Variants in PDZRN4 observed in about 807,000 individuals in gnomAD.
PDZRN4 encodes PDZ domain containing ring finger 4, also known as PDZ domain-containing RING finger protein 4.
In PDZRN4, 70 loss-of-function variants were observed where a neutral mutation model predicts 99.0. That is an observed-to-expected ratio of 0.71 (90% CI 0.58 to 0.86). The LOEUF (loss-of-function observed/expected upper bound fraction) is 0.86. Ranked by LOEUF, PDZRN4 falls within the 40% of genes least tolerant of loss-of-function variation. The pLI, the probability that PDZRN4 is intolerant of heterozygous loss-of-function variation, is 0.00. For missense variants in PDZRN4, 1,474 were observed against 1,331.2 expected (o/e 1.11, Z -1.67); for synonymous variants, 551 against 501.6 (o/e 1.10, Z -1.32).
intron 3 of PDZRN4, among the ~76,000 whole-genome samples, chr12:41,306,109 T>C (rs1951567655): frequency 6.6e-6 from 1 of 152,186 alleles, no homozygotes; most frequent in African/African-American, 2.4e-5. Flanking sequence ...CATGAGATCC[T>C]AAGGATTGAG....
intron 3 of PDZRN4, among the ~76,000 whole-genome samples, chr12:41,480,842 C>A (rs181593379): frequency 7.4e-4 from 112 of 152,032 alleles, no homozygotes; most frequent in African/African-American, 2.6e-3. Context: ...AGAATAAATA[C>A]GATTTCAGCA....
chr12:41,496,978 C>T (rs1317477741), intron 3 of PDZRN4, among the ~76,000 whole-genome samples: 1 of 152,096 alleles, frequency 6.6e-6, no homozygotes, highest in Non-Finnish European at 1.5e-5. Flanking sequence ...TTACCATCTT[C>T]TTTCCCGTTA....
intron 3 of PDZRN4, among the ~76,000 whole-genome samples, chr12:41,422,877 T>C (rs952158276): frequency 2.0e-5 from 3 of 152,152 alleles, no homozygotes; most frequent in African/African-American, 7.2e-5. Flanking sequence ...GCACACACAA[T>C]GGAAATTTCT....
intron 3 of PDZRN4, among the ~76,000 whole-genome samples, chr12:41,403,450 G>A (rs546521923): frequency 6.6e-6 from 1 of 152,202 alleles, no homozygotes; most frequent in African/African-American, 2.4e-5. Flanking sequence ...TGAGAGATGG[G>A]GAAGGAAATA....
At chr12:41,539,172 G>C (rs903784187) in intron 5 of PDZRN4, among the ~76,000 whole-genome samples, 2 of 151,766 alleles carry the variant, frequency 1.3e-5, no homozygotes, top group African/African-American at 4.8e-5. Flanking sequence ...CTCCAGAATG[G>C]ACATATCTCC....
chr12:41,249,140 G>C (rs1051056225), intron 3 of PDZRN4, among the ~76,000 whole-genome samples: 1 of 152,092 alleles, frequency 6.6e-6, no homozygotes. Flanking sequence ...TACACACACA[G>C]AGATAGAGAA....
chr12:41,270,161 A>G (rs564968385), intron 3 of PDZRN4, among the ~76,000 whole-genome samples: 1 of 145,704 alleles, frequency 6.9e-6, no homozygotes, highest in East Asian at 1.9e-4. Flanking sequence ...TTATTTTCCC[A>G]TCACCACATG....
chr12:41,232,455 G>A (rs1951034730), intron 3 of PDZRN4, among the ~76,000 whole-genome samples: 2 of 152,058 alleles, frequency 1.3e-5, no homozygotes, highest in South Asian at 2.1e-4. Context: ...TCAAGGCCTA[G>A]AATTTGGCAG....
intron 6 of PDZRN4, among the ~76,000 whole-genome samples, chr12:41,553,609 G>C (rs1300259261): frequency 6.6e-6 from 1 of 151,996 alleles, no homozygotes; most frequent in Non-Finnish European, 1.5e-5. Context: ...CAATAGGATA[G>C]CTTGAGCACA....
At chr12:41,331,633 A>G (rs532683689) in intron 3 of PDZRN4, among the ~76,000 whole-genome samples, 5 of 152,236 alleles carry the variant, frequency 3.3e-5, no homozygotes, top group Admixed American at 3.3e-4. Context: ...GTATTAGTCC[A>G]TTTTCACACT....
chr12:41,275,537 A>G (rs1591993676), intron 3 of PDZRN4, among the ~76,000 whole-genome samples: 1 of 152,166 alleles, frequency 6.6e-6, no homozygotes, highest in East Asian at 1.9e-4. Context: ...CAGGGGAGGC[A>G]GGAAGGAAAT....
chr12:41,391,475 G>C (rs73274455), intron 3 of PDZRN4, among the ~76,000 whole-genome samples: 2 of 152,200 alleles, frequency 1.3e-5, no homozygotes, highest in East Asian at 3.9e-4. Flanking sequence ...TGGACTTTCT[G>C]GTCACCCAGA....
intron 3 of PDZRN4, among the ~76,000 whole-genome samples, chr12:41,265,494 G>C (rs1241410372): frequency 1.3e-5 from 2 of 152,170 alleles, no homozygotes; most frequent in African/African-American, 4.8e-5. Context: ...CTCAAATCCT[G>C]TCTTAAATCC....
chr12:41,437,420 A>G (rs1952639526), intron 3 of PDZRN4, among the ~76,000 whole-genome samples: 1 of 152,182 alleles, frequency 6.6e-6, no homozygotes, highest in South Asian at 2.1e-4. Flanking sequence ...TTAAAAGCTT[A>G]TATCAATGGA....
intron 3 of PDZRN4, among the ~76,000 whole-genome samples, chr12:41,259,858 AT>A (rs1951226214): frequency 6.6e-6 from 1 of 152,090 alleles, no homozygotes; most frequent in Admixed American, 6.5e-5. Flanking sequence ...TATAAATTCT[AT>A]TTATTTTGCA....
In PDZRN4 at chr12:41,458,015, C is replaced by T. The variant is rs576752766; in HGVS notation, c.844-48441C>T. Among the ~76,000 whole-genome samples, 5 of 152,222 alleles carry T rather than the reference C, an allele frequency of 3.3e-5. No homozygotes were observed. The South Asian group carries it at 1.0e-3, about 32-fold the overall frequency. ...GGAGGGGGAATTGGACTAAGGGGAC[C>T]ACCAGAAAACTTCATGAAGAACATG... On this transcript the variant is annotated intron_variant, in intron 3 of 9. Coordinates refer to ENST00000402685, the MANE Select transcript of PDZRN4 (RefSeq NM_001164595.2).
intron 3 of PDZRN4, among the ~76,000 whole-genome samples, chr12:41,375,266 C>T (rs376621084): frequency 6.6e-6 from 1 of 152,122 alleles, no homozygotes; most frequent in Admixed American, 6.5e-5. Flanking sequence ...TTGTTTTAAC[C>T]TATCAAGTTT....
chr12:41,508,748 T>C (rs959864072), intron 4 of PDZRN4, among the ~76,000 whole-genome samples: 1 of 152,092 alleles, frequency 6.6e-6, no homozygotes, highest in Non-Finnish European at 1.5e-5. Context: ...CTGACAGCCA[T>C]AGATAGTAGT....
At chr12:41,421,060 G>T (rs938076739) in intron 3 of PDZRN4, among the ~76,000 whole-genome samples, 2 of 152,072 alleles carry the variant, frequency 1.3e-5, no homozygotes, top group African/African-American at 2.4e-5. Context: ...CAATCATTTG[G>T]CAAAACCTCT....
Sources: gnomAD v4.1 joint callset for allele counts (sites outside exome capture counted in the v4.1 genomes callset) on GRCh38, gnomAD v4.1.1 for gene constraint, MANE v1.5 for transcripts, NCBI Gene and HGNC (gene_info 2026-07-23, HGNC 2026-07-21) for gene names.